NEGR1: variants seen among roughly 807,000 people sequenced by gnomAD.
The protein encoded by NEGR1 is IgLON family member 4.
A neutral mutation model predicts 40.9 loss-of-function variants in NEGR1; 10 were observed. That is an observed-to-expected ratio of 0.24 (90% CI 0.15 to 0.42). The LOEUF (loss-of-function observed/expected upper bound fraction) is 0.42. Ranked by LOEUF, NEGR1 falls within the 10% of genes least tolerant of loss-of-function variation. The pLI, the probability that NEGR1 is intolerant of heterozygous loss-of-function variation, is 1.00. For synonymous variants in NEGR1, 185 were observed against 166.8 expected, an observed-to-expected ratio of 1.11 and a Z score of -0.84; for missense variants, 352 against 438.9, an observed-to-expected ratio of 0.80 and a Z score of 1.77.
intron 6 of NEGR1, among the ~76,000 whole-genome samples, chr1:71,589,963 T>C (rs1649443928): frequency 6.6e-6 from 1 of 152,144 alleles, no homozygotes; most frequent in African/African-American, 2.4e-5. Flanking sequence ...TTCTACCTTT[T>C]ATTCTAGCCA....
chr1:71,975,145 TA>T (rs1189190142), intron 1 of NEGR1, among the ~76,000 whole-genome samples: 1 of 152,152 alleles, frequency 6.6e-6, no homozygotes, highest in Non-Finnish European at 1.5e-5. Flanking sequence ...AAGAAGCACA[TA>T]AAGGATTTCA....
At chr1:71,956,731 A>G (rs943633401) in intron 1 of NEGR1, among the ~76,000 whole-genome samples, 8 of 152,156 alleles carry the variant, frequency 5.3e-5, no homozygotes, top group African/African-American at 1.9e-4. Flanking sequence ...CACTTGGTCT[A>G]AAGTCTAACT....
chr1:71,884,653 G>A (rs1442357568), intron 2 of NEGR1, among the ~76,000 whole-genome samples: 2 of 152,124 alleles, frequency 1.3e-5, no homozygotes, highest in Admixed American at 6.5e-5. Context: ...TTTGGCATGC[G>A]GGAAATTGAG....
intron 1 of NEGR1, among the ~76,000 whole-genome samples, chr1:72,044,564 G>A (rs1646984106): frequency 1.3e-5 from 2 of 151,652 alleles, no homozygotes; most frequent in South Asian, 4.1e-4. Flanking sequence ...ATAATGCTAA[G>A]CACAATTAGA....
intron 1 of NEGR1, among the ~76,000 whole-genome samples, chr1:71,990,818 C>G (rs1211785261): frequency 6.6e-6 from 1 of 151,790 alleles, no homozygotes; most frequent in African/African-American, 2.4e-5. Flanking sequence ...TCTGCATTTT[C>G]TTTCTGAGAA....
intron 4 of NEGR1, among the ~76,000 whole-genome samples, chr1:71,687,277 C>G (rs1653070862): frequency 6.6e-6 from 1 of 152,140 alleles, no homozygotes; most frequent in African/African-American, 2.4e-5. Flanking sequence ...ATATGCTTCT[C>G]AAGGCATTAA....
chr1:71,434,592 T>A (rs985217771), intron 6 of NEGR1, among the ~76,000 whole-genome samples: 1 of 152,208 alleles, frequency 6.6e-6, no homozygotes, highest in Non-Finnish European at 1.5e-5. Context: ...TAGTGCAATA[T>A]CATAGTCTTG....
intron 6 of NEGR1, among the ~76,000 whole-genome samples, chr1:71,546,452 T>C (rs1647899241): frequency 6.6e-6 from 1 of 151,616 alleles, no homozygotes; most frequent in African/African-American, 2.4e-5. Context: ...TAGGATAACA[T>C]AAAAACTTAA....
At chr1:71,644,695 C>T (rs547248529) in intron 4 of NEGR1, among the ~76,000 whole-genome samples, 13 of 151,924 alleles carry the variant, frequency 8.6e-5, no homozygotes, top group South Asian at 2.1e-4. Context: ...ATGTCAACTA[C>T]GGTAAGGATT....
At chr1:72,135,409 A>C (rs1176341329) in intron 1 of NEGR1, among the ~76,000 whole-genome samples, 9 of 113,908 alleles carry the variant, frequency 7.9e-5, no homozygotes, top group African/African-American at 2.9e-4. Flanking sequence ...AAAAACAAAA[A>C]AAAAAACAAA....
At chr1:72,174,341 A>G (rs768400253) in intron 1 of NEGR1, among the ~76,000 whole-genome samples, 18 of 152,258 alleles carry the variant, frequency 1.2e-4, no homozygotes, top group Non-Finnish European at 2.5e-4. Flanking sequence ...ACCTACGGTT[A>G]TCACCCAAAG....
At chr1:71,466,796 G>T (rs189501857) in intron 6 of NEGR1, among the ~76,000 whole-genome samples, 1 of 152,078 alleles carries the variant, frequency 6.6e-6, no homozygotes, top group African/African-American at 2.4e-5. Flanking sequence ...TGCAGCATGG[G>T]TAGAAACCCA....
At chr1:71,505,108 G>A (rs1273134658) in intron 6 of NEGR1, among the ~76,000 whole-genome samples, 1 of 152,056 alleles carries the variant, frequency 6.6e-6, no homozygotes, top group African/African-American at 2.4e-5. Context: ...CGTTAATAAA[G>A]GGATTCATTG....
chr1:71,994,551 A>C (rs551714882), intron 1 of NEGR1, among the ~76,000 whole-genome samples: 3,991 of 150,698 alleles, frequency 0.026, 65 homozygotes, highest in Non-Finnish European at 0.041. Flanking sequence ...AACAAACAAA[A>C]AAAAAAAACA....
chr1:72,040,737 T>C (rs180773095), intron 1 of NEGR1, among the ~76,000 whole-genome samples: 78 of 151,906 alleles, frequency 5.1e-4, no homozygotes, highest in Middle Eastern at 6.8e-3. Context: ...ATGAAATATG[T>C]GACTAAGGAT....
intron 2 of NEGR1, among the ~76,000 whole-genome samples, chr1:71,817,578 G>A (rs182286146): frequency 1.3e-4 from 20 of 152,088 alleles, no homozygotes; most frequent in South Asian, 2.1e-4. Context: ...CTGGAAGATG[G>A]CGTTTAGTTT....
Position 71,406,387 on chromosome 1 carries a change from C to T in NEGR1, c.*1059G>A, listed in dbSNP as rs966565388. The T allele has an allele frequency of 6.6e-6, 1 of 151,776 alleles. No individual in the cohort carries two copies. The highest frequency in any genetic ancestry group is 2.1e-4 in the South Asian group (1 of 4,824). The allele number at this position is 151,776 out of a possible 1,614,324, so 9.4% of individuals were successfully genotyped here. ...GCCACAAAATAAAATTAATGATGAG[C>T]GCTTACCAACTCTTGTAATATTAGG... On this transcript the variant is annotated 3_prime_UTR_variant, in exon 7 of 7. Coordinates refer to ENST00000357731, the MANE Select transcript of NEGR1 (RefSeq NM_173808.3).
At chr1:71,866,614 T>A (rs1176595693) in intron 2 of NEGR1, among the ~76,000 whole-genome samples, 1 of 152,218 alleles carries the variant, frequency 6.6e-6, no homozygotes, top group African/African-American at 2.4e-5. Flanking sequence ...AATATTTTGA[T>A]CCTTTAAATA....
intron 6 of NEGR1, among the ~76,000 whole-genome samples, chr1:71,553,294 T>C (rs1404879045): frequency 1.3e-5 from 2 of 151,580 alleles, no homozygotes; most frequent in African/African-American, 4.8e-5. Context: ...ATTTCAAGCA[T>C]TTCAGAATGA....
Sources: allele counts gnomAD v4.1 joint callset (sites outside exome capture counted in the v4.1 genomes callset), GRCh38; gene constraint gnomAD v4.1.1; transcripts MANE v1.5; gene names NCBI Gene and HGNC (gene_info 2026-07-23, HGNC 2026-07-21).